MGAM2: variants seen among roughly 807,000 people sequenced by gnomAD.
MGAM2 encodes the protein probable maltase-glucoamylase 2.
MGAM2 carries 98 observed loss-of-function variants against 96.1 expected under a neutral mutation model. The observed-to-expected ratio is 1.02, with a 90% confidence interval of 0.87 to 1.21. The LOEUF is 1.21. Among genes scored for constraint, MGAM2 ranks in the 50% most tolerant of loss-of-function variants. The probability of loss-of-function intolerance (pLI) is 0.00; values close to 1 mark genes in which losing one functional copy is unlikely to be tolerated. For synonymous variants in MGAM2, 749 were observed against 414.8 expected (o/e 1.81, Z -9.79); for missense variants, 2,055 against 1,182.4 (o/e 1.74, Z -10.82).
At chr7:142,208,538 G>A (rs1797479802) in intron 45 of MGAM2, 35 bp from the exon 46 acceptor site, 1 of 700,796 alleles carries the variant, frequency 1.4e-6, no homozygotes, top group Non-Finnish European at 2.6e-6. Context: ...GAAGCAGTTA[G>A]TAGTTGCTTA....
chr7:142,152,748 G>A (rs572321905), intron 15 of MGAM2, among the ~76,000 whole-genome samples: 1 of 152,258 alleles, frequency 6.6e-6, no homozygotes, highest in Middle Eastern at 3.4e-3. Flanking sequence ...AGGTCTTACT[G>A]TCCTTTAATT....
chr7:142,179,868 G>A (rs1236977752), intron 32 of MGAM2, among the ~76,000 whole-genome samples: 1 of 151,988 alleles, frequency 6.6e-6, no homozygotes, highest in Non-Finnish European at 1.5e-5. Flanking sequence ...GATGATGTTG[G>A]CTTTGTATAA....
chr7:142,215,396 A>G (rs1009921724), intron 46 of MGAM2, among the ~76,000 whole-genome samples: 2 of 151,962 alleles, frequency 1.3e-5, no homozygotes, highest in African/African-American at 2.4e-5. Context: ...ACCATGGCAC[A>G]TGTATACCTA....
chr7:142,143,857 A>T lies in MGAM2; in HGVS notation c.1406A>T (p.His469Leu). 6 of 702,940 alleles carry T rather than the reference A, an allele frequency of 8.5e-6. No homozygotes were observed. Among genetic ancestry groups the T allele is most frequent in the Non-Finnish European group, 1.6e-5 (6 of 384,898 alleles). The allele number at this position is 702,940 out of a possible 1,614,324, so 43.5% of individuals were successfully genotyped here. The change falls in exon 13 of 48, where the codon CAT becomes CTT. Residue 469 changes from histidine (H) to leucine (L), a missense_variant. Physicochemically the swap from His to Leu is moderately conservative, Grantham distance 99. Coordinates refer to ENST00000477922, the MANE Select transcript of MGAM2 (RefSeq NM_001293626.2). ...GATCAGGTCGCTAAATTTCATGATC[A>T]TCTGGAGTTTGATGGAGTGTGGATT... ...WTDQVAKFHD[H>L]LEFDGVWIEM... is the part of the protein sequence containing the mutation.
chr7:142,193,596 A>G (rs1039063621), intron 37 of MGAM2, among the ~76,000 whole-genome samples: 1 of 152,162 alleles, frequency 6.6e-6, no homozygotes, highest in Non-Finnish European at 1.5e-5. Flanking sequence ...GGTTCATAAT[A>G]TGCCCTGCTG....
At chr7:142,155,698 G>GT (rs1014737690) in intron 17 of MGAM2, among the ~76,000 whole-genome samples, 1 of 152,150 alleles carries the variant, frequency 6.6e-6, no homozygotes, top group Non-Finnish European at 1.5e-5. Context: ...AGGTGGGTGG[G>GT]TGCTCTTCAT....
intron 46 of MGAM2, among the ~76,000 whole-genome samples, chr7:142,214,261 CCT>C (rs1307416681): frequency 6.6e-6 from 1 of 152,150 alleles, no homozygotes; most frequent in Non-Finnish European, 1.5e-5. Context: ...ACAAGGATGC[CCT>C]CTCTCACCAC....
intron 21 of MGAM2, among the ~76,000 whole-genome samples, chr7:142,160,463 G>A (rs1460642573): frequency 6.6e-6 from 1 of 152,122 alleles, no homozygotes; most frequent in African/African-American, 2.4e-5. Context: ...GACATCTGCA[G>A]AGTGTTTCAC....
chr7:142,137,288 C>T (rs896359414), intron 8 of MGAM2, 145 bp from the exon 9 acceptor site: 15 of 444,472 alleles, frequency 3.4e-5, no homozygotes, highest in South Asian at 1.8e-4. Context: ...ACTCCAACAA[C>T]GATCCTCTGA....
At chr7:142,177,448 G>C (rs150353036) in intron 32 of MGAM2, among the ~76,000 whole-genome samples, 61 of 152,262 alleles carry the variant, frequency 4.0e-4, no homozygotes, top group African/African-American at 1.3e-3. Flanking sequence ...GTATGACAGA[G>C]TATGATGGAA....
intron 40 of MGAM2, among the ~76,000 whole-genome samples, chr7:142,197,165 T>C (rs573729453): frequency 1.3e-5 from 2 of 152,280 alleles, no homozygotes; most frequent in Non-Finnish European, 2.9e-5. Flanking sequence ...TCTGTACACA[T>C]GTAGAGGGCC....
intron 31 of MGAM2, among the ~76,000 whole-genome samples, chr7:142,173,835 T>A (rs890163909): frequency 6.6e-6 from 1 of 152,192 alleles, no homozygotes; most frequent in Non-Finnish European, 1.5e-5. Context: ...AAGAAAGCTA[T>A]AGAATAATGT....
At chr7:142,200,230 T>A (rs993931015) in intron 45 of MGAM2, among the ~76,000 whole-genome samples, 6 of 152,178 alleles carry the variant, frequency 3.9e-5, no homozygotes, top group African/African-American at 1.4e-4. Context: ...TGTATAACTG[T>A]CTCACTCTTG....
At chr7:142,165,397 C>T (rs1269017038) in intron 24 of MGAM2, among the ~76,000 whole-genome samples, 1 of 152,148 alleles carries the variant, frequency 6.6e-6, no homozygotes, top group Non-Finnish European at 1.5e-5. Flanking sequence ...TTTGTCCTTA[C>T]CGTTTTAGGC....
chr7:142,139,546 A>G (rs1444230464), intron 10 of MGAM2, among the ~76,000 whole-genome samples: 6 of 151,824 alleles, frequency 4.0e-5, no homozygotes, highest in Non-Finnish European at 7.4e-5. Flanking sequence ...CTGTAATCCC[A>G]GCTACAAAGC....
intron 32 of MGAM2, among the ~76,000 whole-genome samples, chr7:142,181,303 G>A (rs1490166554): frequency 6.6e-6 from 1 of 152,178 alleles, no homozygotes; most frequent in Non-Finnish European, 1.5e-5. Flanking sequence ...GCTTTCAGAG[G>A]CCCAAGGCTC....
In MGAM2 at chr7:142,154,886, G is replaced by A. The variant is rs1358024262; in HGVS notation, c.1923+41G>A. ...GAAGTGATGGAAACTTTTTGGATTA[G>A]CTAATCTACTGGCTCTTAAAGGGGA... On this transcript the variant is annotated intron_variant, in intron 17 of 47. Transcript: ENST00000477922. 5 of 701,382 alleles carry A rather than the reference G, an allele frequency of 7.1e-6. No homozygotes were observed. The East Asian group carries it at 1.3e-4, about 19-fold the overall frequency. 43.4% of individuals were successfully genotyped at this position (701,382 alleles called of 1,614,324 possible).
At chr7:142,180,999 T>C (rs995580575) in intron 32 of MGAM2, among the ~76,000 whole-genome samples, 4 of 152,160 alleles carry the variant, frequency 2.6e-5, no homozygotes, top group African/African-American at 9.7e-5. Context: ...TCTTGTTGAG[T>C]GTCCTTGTCA....
In MGAM2 at chr7:142,161,189, T is replaced by C. The variant is rs1283089477; in HGVS notation, c.2410T>C (p.Tyr804His). ...DYKREAKGEL[Y>H]WDDGVSKDAV... ...TAAGAGAGAAGCAAAGGGGGAGCTGTACTGGGATGACGGTGTATCTAAAGG... is the reference window on the plus strand; with the variant it reads ...TAAGAGAGAAGCAAAGGGGGAGCTGCACTGGGATGACGGTGTATCTAAAGG... Residue 804 changes from tyrosine (Y) to histidine (H), a missense_variant, in exon 22 of 48, where the codon TAC becomes CAC. Tyr to His is a moderately conservative substitution (Grantham distance 83, BLOSUM62 2). Transcript: ENST00000477922. 1.1e-5 allele frequency: 8 copies of C among 702,590 alleles called. No individual in the cohort carries two copies. Among genetic ancestry groups the C allele is most frequent in the Non-Finnish European group, 2.1e-5 (8 of 384,804 alleles). 43.5% of individuals were successfully genotyped at this position (702,590 alleles called of 1,614,324 possible). A position where few individuals can be genotyped will look rare whatever the true frequency, so the allele number is the denominator to read the frequency against.
Sources: allele counts gnomAD v4.1 joint callset (sites outside exome capture counted in the v4.1 genomes callset), GRCh38; gene constraint gnomAD v4.1.1; transcripts MANE v1.5; gene names NCBI Gene and HGNC (gene_info 2026-07-23, HGNC 2026-07-21).